Variants in TXNRD1 observed in about 807,000 individuals in gnomAD.
TXNRD1 encodes the protein thioredoxin reductase 1, cytoplasmic.
In TXNRD1, 57 loss-of-function variants were observed where a neutral mutation model predicts 80.3. That is an observed-to-expected ratio of 0.71 (90% CI 0.57 to 0.89). The LOEUF is 0.89. Ranked by LOEUF, TXNRD1 falls within the 40% of genes least tolerant of loss-of-function variation. The pLI, the probability that TXNRD1 is intolerant of heterozygous loss-of-function variation, is 0.00. For synonymous variants in TXNRD1, 291 were observed against 285.2 expected (o/e 1.02, Z -0.20); for missense variants, 730 against 803.0 (o/e 0.91, Z 1.10).
At chr12:104,286,966 C>G (rs908168365) in intron 3 of TXNRD1, 53 of 1,231,006 alleles carry the variant, frequency 4.3e-5, no homozygotes, top group Non-Finnish European at 5.3e-5. Flanking sequence ...AGCCCGCCCG[C>G]TCGGCGCAGG....
chr12:104,238,209 C>T (rs990950396), intron 1 of TXNRD1, among the ~76,000 whole-genome samples: 5 of 152,122 alleles, frequency 3.3e-5, no homozygotes, highest in African/African-American at 1.2e-4. Context: ...TGTTGTCTTG[C>T]TTTGTTCTTT....
chr12:104,326,487 TG>T, intron 12 of TXNRD1, 64 bp downstream of exon 12: 1 of 800,572 alleles, frequency 1.2e-6, no homozygotes, highest in African/African-American at 2.1e-5. Context: ...TTTTTTGAGA[TG>T]GAGTTTCTCT....
At position 104,331,694 on chromosome 12, in the gene TXNRD1, A is replaced by C. The variant is rs2035953566; in HGVS notation, c.1650+53A>C. 6 of 1,207,648 alleles carry C rather than the reference A, an allele frequency of 5.0e-6. No individual in the cohort carries two copies. The South Asian group carries it at 8.1e-5, about 16-fold the overall frequency. The allele number at this position is 1,207,648 out of a possible 1,614,324, so 74.8% of individuals were successfully genotyped here. On this transcript the variant is annotated intron_variant, in intron 14 of 16. Coordinates refer to ENST00000525566, the MANE Select transcript of TXNRD1 (RefSeq NM_001093771.3). The stretch of plus-strand genomic sequence containing the variant: ...GTTATATCACTACTTTTTTTTCTTC[A>C]GAATTTAAAATATATAGAAGACTTA...
rs886678236 is a variant in TXNRD1 at position 104,222,871 on chromosome 12, A to G, written c.91+6978A>G. Among the ~76,000 whole-genome samples, 3 of 152,140 alleles carry G rather than the reference A, an allele frequency of 2.0e-5. No homozygotes were observed. The East Asian group carries it at 5.8e-4, about 29-fold the overall frequency. ...GTCTCAAAAAACAAACAAACAAACA[A>G]AACTAACTTTTGGGATTATTGAGCA... On this transcript the variant is annotated intron_variant, in intron 1 of 16. Transcript: ENST00000525566.
At chr12:104,301,602 G>A (rs540614844) in intron 4 of TXNRD1, among the ~76,000 whole-genome samples, 2 of 152,352 alleles carry the variant, frequency 1.3e-5, no homozygotes, top group South Asian at 4.1e-4. Context: ...CTCCCAAAGT[G>A]CTGGGATTAC....
chr12:104,319,285 T>TTGTG (rs1308026700), intron 8 of TXNRD1, among the ~76,000 whole-genome samples, 185 bp from the exon 9 acceptor site: 1 of 152,192 alleles, frequency 6.6e-6, no homozygotes, highest in Non-Finnish European at 1.5e-5. Context: ...CTCCAGCACT[T>TTGTG]ACTAACATTG....
intron 4 of TXNRD1, among the ~76,000 whole-genome samples, chr12:104,297,740 G>A (rs537176493): frequency 2.6e-5 from 4 of 152,222 alleles, no homozygotes; most frequent in South Asian, 4.1e-4. Flanking sequence ...TACAATTTTC[G>A]AAGAAAGTAA....
At chr12:104,267,695 T>C (rs1488843118) in intron 3 of TXNRD1, among the ~76,000 whole-genome samples, 19 of 34,602 alleles carry the variant, frequency 5.5e-4, no homozygotes, top group African/African-American at 1.2e-3. Flanking sequence ...CTTTCTTTCT[T>C]TCTTTCTCTC....
At chr12:104,273,991 G>T (rs1171200965) in intron 3 of TXNRD1, among the ~76,000 whole-genome samples, 1 of 152,124 alleles carries the variant, frequency 6.6e-6, no homozygotes, top group Non-Finnish European at 1.5e-5. Flanking sequence ...AGGTGGAGTT[G>T]CAGTGAGCCG....
chr12:104,290,256 T>G (rs1355829141), intron 4 of TXNRD1, among the ~76,000 whole-genome samples: 2 of 152,206 alleles, frequency 1.3e-5, no homozygotes, highest in Non-Finnish European at 1.5e-5. Flanking sequence ...GACAAATGGT[T>G]ATAGGGAATG....
At chr12:104,310,031 G>A (rs1454213317) in intron 4 of TXNRD1, 1 of 1,536,080 alleles carries the variant, frequency 6.5e-7, no homozygotes, top group African/African-American at 1.4e-5. Flanking sequence ...TTCTTCCGCT[G>A]ACCCCAAGCT....
chr12:104,307,999 CT>C (rs11300166), intron 4 of TXNRD1, among the ~76,000 whole-genome samples: 16,180 of 143,006 alleles, frequency 0.11, 861 homozygotes, highest in East Asian at 0.19. Flanking sequence ...CCTTTTCTTT[CT>C]TTTTTTTTTT....
At chr12:104,327,777 A>G (rs918286506) in intron 13 of TXNRD1, 106 bp downstream of exon 13, 2 of 1,249,064 alleles carry the variant, frequency 1.6e-6, no homozygotes, top group African/African-American at 3.0e-5. Context: ...TAATTTAGTT[A>G]TTTTGGTGAT....
chr12:104,341,740 T>TAC (rs1385736005), intron 16 of TXNRD1, among the ~76,000 whole-genome samples: 1 of 152,148 alleles, frequency 6.6e-6, no homozygotes, highest in Non-Finnish European at 1.5e-5. Flanking sequence ...TCAATTCTGA[T>TAC]ACCAGCTGCC....
intron 16 of TXNRD1, among the ~76,000 whole-genome samples, chr12:104,342,336 T>C (rs2036354322): frequency 6.6e-6 from 1 of 152,002 alleles, no homozygotes; most frequent in Non-Finnish European, 1.5e-5. Flanking sequence ...AAGGGGCTCA[T>C]TATGAATAGC....
At chr12:104,262,090 G>A (rs942968687) in intron 3 of TXNRD1, among the ~76,000 whole-genome samples, 1 of 151,946 alleles carries the variant, frequency 6.6e-6, no homozygotes, top group Admixed American at 6.6e-5. Context: ...AAATTAGCCA[G>A]GCATGGTGGT....
chr12:104,232,630 A>G (rs565434750), intron 1 of TXNRD1, among the ~76,000 whole-genome samples: 1 of 152,208 alleles, frequency 6.6e-6, no homozygotes, highest in South Asian at 2.1e-4. Flanking sequence ...TAGACAAGAC[A>G]TGAGGCCAGT....
At chr12:104,294,412 CTCTTG>C (rs1342471804) in intron 4 of TXNRD1, among the ~76,000 whole-genome samples, 1 of 152,040 alleles carries the variant, frequency 6.6e-6, no homozygotes, top group Non-Finnish European at 1.5e-5. Flanking sequence ...AAGGCTCGCA[CTCTTG>C]TCTTCTGGTC....
At chr12:104,328,680 A>T (rs1593854057) in intron 13 of TXNRD1, among the ~76,000 whole-genome samples, 1 of 149,550 alleles carries the variant, frequency 6.7e-6, no homozygotes, top group Non-Finnish European at 1.5e-5. Flanking sequence ...AATGGCCTGA[A>T]CCCGGGAGGC....
Sources: allele counts gnomAD v4.1 joint callset (sites outside exome capture counted in the v4.1 genomes callset), GRCh38; gene constraint gnomAD v4.1.1; transcripts MANE v1.5; gene names NCBI Gene and HGNC (gene_info 2026-07-23, HGNC 2026-07-21).